Variants in AP3B1 observed in about 807,000 individuals in gnomAD.
The protein encoded by AP3B1 is adaptor related protein complex 3 subunit beta 1, also known as AP-3 complex subunit beta-1.
A neutral mutation model predicts 132.5 loss-of-function variants in AP3B1; 61 were observed. That is an observed-to-expected ratio of 0.46 (90% confidence interval 0.37 to 0.57). The LOEUF (loss-of-function observed/expected upper bound fraction) is 0.57. Ranked by LOEUF, AP3B1 falls within the 20% of genes least tolerant of loss-of-function variation. The pLI, the probability that AP3B1 is intolerant of heterozygous loss-of-function variation, is 0.00. For synonymous variants in AP3B1, 388 were observed against 438.3 expected, an observed-to-expected ratio of 0.89 and a Z score of 1.43; for missense variants, 1,120 against 1,289.4, an observed-to-expected ratio of 0.87 and a Z score of 2.01.
chr5:78,211,759 C>T (rs1470565528), intron 7 of AP3B1, among the ~76,000 whole-genome samples: 1 of 152,130 alleles, frequency 6.6e-6, no homozygotes, highest in Non-Finnish European at 1.5e-5. Context: ...ACACAGAAAA[C>T]TTATTAAGGT....
intron 2 of AP3B1, among the ~76,000 whole-genome samples, chr5:78,258,963 C>A (rs1188112690): frequency 2.6e-5 from 4 of 152,150 alleles, no homozygotes; most frequent in Admixed American, 6.5e-5. Flanking sequence ...TCTGGCCGGG[C>A]ACGGTGGCTC....
chr5:78,229,429 T>C (rs983589781), intron 3 of AP3B1, among the ~76,000 whole-genome samples: 2 of 152,122 alleles, frequency 1.3e-5, no homozygotes, highest in African/African-American at 4.8e-5. Flanking sequence ...CAACACAGTA[T>C]ATACCTAAAA....
chr5:78,092,851 T>G (rs1750587886), intron 21 of AP3B1, among the ~76,000 whole-genome samples: 1 of 152,112 alleles, frequency 6.6e-6, no homozygotes, highest in South Asian at 2.1e-4. Flanking sequence ...AGTCTCACTT[T>G]GTTGTCCAGG....
At position 78,094,588 on chromosome 5, in the gene AP3B1, G is replaced by C. The variant is rs192335885; in HGVS notation, c.2471-5089C>G. On this transcript the variant is annotated intron_variant, in intron 21 of 26. Coordinates refer to ENST00000255194, the MANE Select transcript of AP3B1 (RefSeq NM_003664.5). Reference sequence around the variant, plus strand: ...TTAGAGACAGACAATCATTATTTCTGGTAGTAGCAAGCTCTTTCCCTCCTC... The same window carrying C: ...TTAGAGACAGACAATCATTATTTCTCGTAGTAGCAAGCTCTTTCCCTCCTC... Among the ~76,000 whole-genome samples, 59 of 151,908 alleles carry C rather than the reference G, an allele frequency of 3.9e-4. No homozygotes were observed. The East Asian group carries it at 0.011, about 29-fold the overall frequency.
chr5:78,090,726 A>AT (rs1750473340), intron 21 of AP3B1, among the ~76,000 whole-genome samples: 2 of 152,250 alleles, frequency 1.3e-5, no homozygotes, highest in South Asian at 4.1e-4. Flanking sequence ...ATACATTACA[A>AT]TGTGGTCAAG....
intron 18 of AP3B1, among the ~76,000 whole-genome samples, chr5:78,115,493 C>T (rs1211133499): frequency 6.6e-6 from 1 of 152,122 alleles, no homozygotes; most frequent in Non-Finnish European, 1.5e-5. Context: ...AATGAAGGGA[C>T]TTTAAGAAAT....
At chr5:78,109,810 G>C (rs143804723) in intron 20 of AP3B1, among the ~76,000 whole-genome samples, 1 of 152,060 alleles carries the variant, frequency 6.6e-6, no homozygotes, top group African/African-American at 2.4e-5. Context: ...ACTAAAGAAT[G>C]TATACTCTTT....
chr5:78,237,562 C>T (rs529894303), intron 3 of AP3B1, among the ~76,000 whole-genome samples: 54 of 152,230 alleles, frequency 3.5e-4, no homozygotes, highest in Middle Eastern at 6.8e-3. Flanking sequence ...AATCCCAGCA[C>T]TTTGGGAGGC....
intron 8 of AP3B1, among the ~76,000 whole-genome samples, chr5:78,179,882 A>G (rs1580451736): frequency 6.6e-6 from 1 of 152,168 alleles, no homozygotes. Context: ...CAAAAAGTAA[A>G]CCACCTCTAT....
At chr5:78,251,143 G>C (rs1747615162) in intron 2 of AP3B1, among the ~76,000 whole-genome samples, 1 of 152,160 alleles carries the variant, frequency 6.6e-6, no homozygotes. Context: ...AATCAGTAAA[G>C]AAAAAACACA....
chr5:78,094,812 C>T (rs1408632178), intron 21 of AP3B1, among the ~76,000 whole-genome samples: 5 of 152,096 alleles, frequency 3.3e-5, no homozygotes, highest in Non-Finnish European at 7.3e-5. Context: ...TCCCGAGTAA[C>T]TGGGATTACA....
At chr5:78,166,315 T>C (rs929667673) in intron 11 of AP3B1, among the ~76,000 whole-genome samples, 2 of 152,168 alleles carry the variant, frequency 1.3e-5, no homozygotes, top group Non-Finnish European at 2.9e-5. Context: ...TCTTCACTAA[T>C]TGTCTGCCCA....
chr5:78,137,349 C>G (rs1300198202), intron 15 of AP3B1, among the ~76,000 whole-genome samples: 1 of 152,102 alleles, frequency 6.6e-6, no homozygotes, highest in African/African-American at 2.4e-5. Context: ...GGTTCAGATG[C>G]CAGCCAAAAA....
intron 24 of AP3B1, among the ~76,000 whole-genome samples, chr5:78,027,277 G>A (rs1747374466): frequency 6.6e-6 from 1 of 151,960 alleles, no homozygotes; most frequent in African/African-American, 2.4e-5. Flanking sequence ...ATTTGTGGGA[G>A]GAAGCTACCT....
chr5:78,218,629 C>A (rs1008083781), intron 6 of AP3B1, among the ~76,000 whole-genome samples: 3 of 152,172 alleles, frequency 2.0e-5, no homozygotes, highest in African/African-American at 7.2e-5. Context: ...AAAAAAATCA[C>A]ACTAAGCAAA....
At chr5:78,186,785 T>A (rs1459812905) in intron 7 of AP3B1, among the ~76,000 whole-genome samples, 1 of 152,214 alleles carries the variant, frequency 6.6e-6, no homozygotes, top group Non-Finnish European at 1.5e-5. Flanking sequence ...TTTAGGTTAA[T>A]ATCACTTAAG....
chr5:78,221,950 A>T (rs1429183053), intron 6 of AP3B1, among the ~76,000 whole-genome samples: 1 of 152,174 alleles, frequency 6.6e-6, no homozygotes, highest in African/African-American at 2.4e-5. Context: ...ATGCAAACAC[A>T]ATGTAAGCAT....
intron 26 of AP3B1, among the ~76,000 whole-genome samples, chr5:78,005,997 T>A (rs546032165): frequency 6.6e-6 from 1 of 152,352 alleles, no homozygotes; most frequent in East Asian, 1.9e-4. Context: ...AGAACCTCTG[T>A]GCTTGGCCTT....
intron 2 of AP3B1, among the ~76,000 whole-genome samples, chr5:78,248,628 C>A (rs1460208991): frequency 6.6e-6 from 1 of 151,576 alleles, no homozygotes; most frequent in African/African-American, 2.4e-5. Flanking sequence ...AGTGGGATAA[C>A]TTAAGAATAA....
Sources: gnomAD v4.1 joint callset for allele counts (sites outside exome capture counted in the v4.1 genomes callset) on GRCh38, gnomAD v4.1.1 for gene constraint, MANE v1.5 for transcripts, NCBI Gene and HGNC (gene_info 2026-07-23, HGNC 2026-07-21) for gene names.